Variants in FAM240B observed in about 807,000 individuals in gnomAD.
FAM240B encodes protein FAM240B.
chr9:38,700,838 A>G (rs1010682490), intron 2 of FAM240B, among the ~76,000 whole-genome samples: 1 of 152,198 alleles, frequency 6.6e-6, no homozygotes, highest in African/African-American at 2.4e-5. Context: ...TCTGCCAGAT[A>G]CAGCATATCA....
chr9:38,711,597 C>T (rs1397864114), intron 1 of FAM240B, among the ~76,000 whole-genome samples: 1 of 151,914 alleles, frequency 6.6e-6, no homozygotes, highest in Non-Finnish European at 1.5e-5. Context: ...TTTCAGAAAA[C>T]ATTTTCTTTT....
chr9:38,695,290 G>T (rs1387647223), intron 2 of FAM240B, among the ~76,000 whole-genome samples: 2 of 152,212 alleles, frequency 1.3e-5, no homozygotes, highest in East Asian at 3.8e-4. Flanking sequence ...AGGCCGAGGC[G>T]GGCGGATCGC....
Position 38,694,413 on chromosome 9 carries a change from CT to C in FAM240B, c.*362del, listed in dbSNP as rs1308558714. Reference sequence around the variant, plus strand: ...CATCAAGGTCATTGCCCTCGGTAAGCTTAGAGAAAACACTTCAAATGTCTCA... The same window carrying C: ...CATCAAGGTCATTGCCCTCGGTAAGCTAGAGAAAACACTTCAAATGTCTCA... On this transcript the variant is annotated 3_prime_UTR_variant, in exon 3 of 3. Coordinates refer to ENST00000637493, the MANE Select transcript of FAM240B (RefSeq NM_001394922.1). 1.2e-5 allele frequency: 2 copies of C among 172,912 alleles called. No individual in the cohort carries two copies. Among genetic ancestry groups the C allele is most frequent in the African/African-American group, 4.7e-5 (2 of 42,384 alleles). The allele number at this position is 172,912 out of a possible 1,614,324, so 10.7% of individuals were successfully genotyped here.
At chr9:38,719,013 G>GTTGAGGT (rs1406528292) in intron 1 of FAM240B, among the ~76,000 whole-genome samples, 4 of 152,090 alleles carry the variant, frequency 2.6e-5, no homozygotes, top group African/African-American at 4.8e-5. Flanking sequence ...TTGATCTACA[G>GTTGAGGT]GTTCATTGAG....
At chr9:38,700,592 T>C (rs1821114378) in intron 2 of FAM240B, among the ~76,000 whole-genome samples, 1 of 152,242 alleles carries the variant, frequency 6.6e-6, no homozygotes, top group African/African-American at 2.4e-5. Context: ...ACCAAACTGA[T>C]AGGTGTCCAT....
chr9:38,694,474 G>A lies in FAM240B; in HGVS notation c.*302C>T, dbSNP rs570291579. 10 of 259,508 alleles carry A rather than the reference G, an allele frequency of 3.9e-5. No homozygotes were observed. Among genetic ancestry groups the A allele is most frequent in the Non-Finnish European group, 7.2e-5 (10 of 138,482 alleles). 16.1% of individuals were successfully genotyped at this position (259,508 alleles called of 1,614,324 possible). A position where few individuals can be genotyped will look rare whatever the true frequency, so the allele number is the denominator to read the frequency against. ...ACATTTCAAAATGACAAGGAAATGTGGAAATATACTAGGCTACATGGGTCT... is the reference window on the plus strand; with the variant it reads ...ACATTTCAAAATGACAAGGAAATGTAGAAATATACTAGGCTACATGGGTCT... On this transcript the variant is annotated 3_prime_UTR_variant, in exon 3 of 3. Coordinates refer to ENST00000637493, the MANE Select transcript of FAM240B (RefSeq NM_001394922.1).
chr9:38,718,909 AT>A (rs1344237540), intron 1 of FAM240B, among the ~76,000 whole-genome samples: 1 of 150,100 alleles, frequency 6.7e-6, no homozygotes, highest in Non-Finnish European at 1.5e-5. Flanking sequence ...GATGTTTTTT[AT>A]TTTATGAATT....
chr9:38,717,627 C>G (rs1821322427), intron 1 of FAM240B, among the ~76,000 whole-genome samples: 1 of 151,964 alleles, frequency 6.6e-6, no homozygotes, highest in Non-Finnish European at 1.5e-5. Context: ...ACTACAGGCG[C>G]CCGCCGCCAC....
chr9:38,705,625 A>G (rs1821182463), intron 1 of FAM240B: 1 of 151,938 alleles, frequency 6.6e-6, no homozygotes, highest in Non-Finnish European at 1.5e-5. Context: ...GAGAAGAAAT[A>G]ACATTTATTA....
intron 1 of FAM240B, among the ~76,000 whole-genome samples, chr9:38,704,939 A>C (rs1821171841): frequency 6.6e-6 from 1 of 152,214 alleles, no homozygotes; most frequent in Non-Finnish European, 1.5e-5. Flanking sequence ...CTTTGCTCAC[A>C]CGAAGTGCCC....
chr9:38,700,535 A>G (rs1821113589), intron 2 of FAM240B, among the ~76,000 whole-genome samples: 1 of 152,246 alleles, frequency 6.6e-6, no homozygotes, highest in Non-Finnish European at 1.5e-5. Flanking sequence ...CTTATTATCT[A>G]AACTGAGATA....
intron 2 of FAM240B, among the ~76,000 whole-genome samples, chr9:38,696,440 G>C (rs1163081880): frequency 6.6e-6 from 1 of 152,170 alleles, no homozygotes; most frequent in Non-Finnish European, 1.5e-5. Context: ...AGAATGGAAA[G>C]AATCTGGCAC....
intron 1 of FAM240B, among the ~76,000 whole-genome samples, chr9:38,707,721 G>A (rs978279544): frequency 3.3e-5 from 5 of 151,524 alleles, no homozygotes; most frequent in African/African-American, 2.4e-5. Context: ...TTGAACCTGG[G>A]AGGTGGAGAT....
chr9:38,711,186 C>T (rs768660740), intron 1 of FAM240B, among the ~76,000 whole-genome samples: 3 of 152,174 alleles, frequency 2.0e-5, no homozygotes, highest in African/African-American at 4.8e-5. Flanking sequence ...TCGAAGTGCT[C>T]GCTGTGGCCA....
chr9:38,708,247 G>A (rs1440304333), intron 1 of FAM240B, among the ~76,000 whole-genome samples: 2 of 152,180 alleles, frequency 1.3e-5, no homozygotes. Flanking sequence ...TGCTCTCGCT[G>A]CAGGGCACCC....
intron 1 of FAM240B, among the ~76,000 whole-genome samples, chr9:38,719,242 C>G (rs1347741218): frequency 1.3e-5 from 2 of 148,966 alleles, no homozygotes; most frequent in South Asian, 4.4e-4. Flanking sequence ...TTCTCTGCAT[C>G]CCCCCCCACC....
chr9:38,711,026 C>A (rs544600462), intron 1 of FAM240B, among the ~76,000 whole-genome samples: 1 of 152,248 alleles, frequency 6.6e-6, no homozygotes, highest in East Asian at 1.9e-4. Context: ...CAGCTGGATA[C>A]CGAGAAAGCA....
chr9:38,718,264 C>A (rs1239509037), intron 1 of FAM240B, among the ~76,000 whole-genome samples: 1 of 152,178 alleles, frequency 6.6e-6, no homozygotes, highest in Non-Finnish European at 1.5e-5. Context: ...TCTGTAAGTA[C>A]ATCTGTAGCA....
chr9:38,697,806 A>G (rs1821084815), intron 2 of FAM240B, among the ~76,000 whole-genome samples: 1 of 152,242 alleles, frequency 6.6e-6, no homozygotes, highest in Non-Finnish European at 1.5e-5. Flanking sequence ...ACTTGTCTTC[A>G]TTGACATCTC....
Sources: allele counts gnomAD v4.1 joint callset (sites outside exome capture counted in the v4.1 genomes callset), GRCh38; gene constraint gnomAD v4.1.1; transcripts MANE v1.5; gene names NCBI Gene and HGNC (gene_info 2026-07-23, HGNC 2026-07-21).